Variants in PTPN5 observed in about 807,000 individuals in gnomAD.
The protein encoded by PTPN5 is protein tyrosine phosphatase non-receptor type 5.
In PTPN5, 29 loss-of-function variants were observed where a neutral mutation model predicts 73.9. The observed-to-expected ratio is 0.39, with a 90% CI of 0.29 to 0.54. PTPN5 has a LOEUF of 0.54. Among genes scored for constraint, PTPN5 ranks in the 20% least tolerant of loss-of-function variants. The probability of loss-of-function intolerance (pLI) is 0.65; values close to 1 mark genes in which losing one functional copy is unlikely to be tolerated. For synonymous variants in PTPN5, 267 were observed against 304.7 expected, an observed-to-expected ratio of 0.88 and a Z score of 1.29; for missense variants, 652 against 751.4, an observed-to-expected ratio of 0.87 and a Z score of 1.55.
chr11:18,752,426 C>T (rs1167642267), intron 3 of PTPN5, among the ~76,000 whole-genome samples: 1 of 152,114 alleles, frequency 6.6e-6, no homozygotes, highest in African/African-American at 2.4e-5. Flanking sequence ...GATGAGCCCC[C>T]CAGGAGGACA....
chr11:18,772,081 C>T lies in PTPN5; in HGVS notation c.-113-10G>A, dbSNP rs184637078. The T allele has an allele frequency of 2.0e-5, 14 of 697,996 alleles. No individual in the cohort carries two copies. Among genetic ancestry groups the T allele is most frequent in the African/African-American group, 5.6e-5 (3 of 53,112 alleles). 43.2% of individuals were successfully genotyped at this position (697,996 alleles called of 1,614,324 possible). A position where few individuals can be genotyped will look rare whatever the true frequency, so the allele number is the denominator to read the frequency against. On this transcript the variant is annotated splice_polypyrimidine_tract_variant and intron_variant, in intron 1 of 14. Coordinates refer to ENST00000358540, the MANE Select transcript of PTPN5 (RefSeq NM_006906.2). ...GCTTCAGATCATCCAGCTGGGAAAA[C>T]GGGGCAAAGAGAGATTAAGTGACTA...
intron 2 of PTPN5, among the ~76,000 whole-genome samples, chr11:18,770,538 A>G (rs1850837308): frequency 6.6e-6 from 1 of 152,194 alleles, no homozygotes; most frequent in South Asian, 2.1e-4. Context: ...TTATTTATCT[A>G]TTCATCAGTT....
chr11:18,744,214 C>T lies in PTPN5; in HGVS notation c.98-15G>A, dbSNP rs1367756570. 4.6e-6 allele frequency: 7 copies of T among 1,512,710 alleles called. No homozygotes were observed. Among genetic ancestry groups the T allele is most frequent in the Non-Finnish European group, 6.2e-6 (7 of 1,134,264 alleles). 93.7% of individuals were successfully genotyped at this position (1,512,710 alleles called of 1,614,324 possible). A position where few individuals can be genotyped will look rare whatever the true frequency, so the allele number is the denominator to read the frequency against. ...CTGGGGGAGACCTGTGGAAGATGGG[C>T]CATGCGGGCCGATGACTCCGGCCCT... On this transcript the variant is annotated splice_polypyrimidine_tract_variant and intron_variant, in intron 3 of 14. Coordinates refer to ENST00000358540, the MANE Select transcript of PTPN5 (RefSeq NM_006906.2).
Position 18,742,997 on chromosome 11 carries a change from T to C in PTPN5, c.478A>G (p.Thr160Ala). The change falls in exon 6 of 15, where the codon ACC (threonine) becomes GCC (alanine). Residue 160 changes from threonine (T) to alanine (A), a missense_variant. This residue lies in a region of PTPN5 where 529 missense variants were observed against 573.9 expected (regional missense o/e 0.92). Coordinates refer to ENST00000358540, the MANE Select transcript of PTPN5 (RefSeq NM_006906.2). The surrounding 1 kb of genome is among the most constrained non-coding windows in gnomAD (Gnocchi z 4.1). Reference sequence around the variant, plus strand: ...GGGGTCAGGAGGCGCCTTACCAGGGTGGTAACGAGGACCAGGCCCACGGAC... The same window carrying C: ...GGGGTCAGGAGGCGCCTTACCAGGGCGGTAACGAGGACCAGGCCCACGGAC... ...FLSVGLVLVT[T>A]LVWHLLRTPP... 1 of 1,549,594 alleles carries C rather than the reference T, an allele frequency of 6.5e-7. No homozygotes were observed. Among genetic ancestry groups the C allele is most frequent in the Non-Finnish European group, 8.7e-7 (1 of 1,145,400 alleles).
At position 18,744,049 on chromosome 11, in the gene PTPN5, G is replaced by A; in HGVS notation, c.248C>T (p.Thr83Ile). 2 of 1,609,520 alleles carry A rather than the reference G, an allele frequency of 1.2e-6. No homozygotes were observed. Among genetic ancestry groups the A allele is most frequent in the Non-Finnish European group, 1.7e-6 (2 of 1,177,960 alleles). ...PPRGAGSHSL[T>I]VRSSLCLFAA... Reference sequence around the variant, plus strand: ...GAACAGGCACAGGCTGCTCCTGACAGTGAGGGAGTGGCTCCCAGCGCCTCG... The same window carrying A: ...GAACAGGCACAGGCTGCTCCTGACAATGAGGGAGTGGCTCCCAGCGCCTCG... The change falls in exon 4 of 15, where the codon ACT (threonine) becomes ATT (isoleucine). Residue 83 changes from threonine (T) to isoleucine (I), a missense_variant. Transcript: ENST00000358540.
At chr11:18,732,147 C>T (rs758805215) in intron 12 of PTPN5, among the ~76,000 whole-genome samples, 1 of 152,122 alleles carries the variant, frequency 6.6e-6, no homozygotes, top group Non-Finnish European at 1.5e-5. Flanking sequence ...GAGTGCCTGC[C>T]CTCTTGTGGA....
chr11:18,780,356 G>A (rs1851361560), intron 1 of PTPN5, among the ~76,000 whole-genome samples: 1 of 152,088 alleles, frequency 6.6e-6, no homozygotes, highest in Non-Finnish European at 1.5e-5. Context: ...CATGACATCC[G>A]CCTGCCCCAG....
At chr11:18,746,703 A>T (rs1224235155) in intron 3 of PTPN5, among the ~76,000 whole-genome samples, 1 of 152,232 alleles carries the variant, frequency 6.6e-6, no homozygotes, top group Admixed American at 6.5e-5. Context: ...GGAGTCTAAG[A>T]GGGTCACGAG....
chr11:18,771,820 G>T, intron 2 of PTPN5, 119 bp downstream of exon 2: 1 of 828,678 alleles, frequency 1.2e-6, no homozygotes. Context: ...TCATGGAAAA[G>T]GAATGATCAG....
At chr11:18,779,717 C>T (rs1049375151) in intron 1 of PTPN5, among the ~76,000 whole-genome samples, 2 of 152,164 alleles carry the variant, frequency 1.3e-5, no homozygotes, top group African/African-American at 2.4e-5. Context: ...TCCTCAGTCA[C>T]GGGCTGAATT....
chr11:18,760,331 G>A (rs574359398), intron 3 of PTPN5, among the ~76,000 whole-genome samples: 35 of 152,300 alleles, frequency 2.3e-4, no homozygotes, highest in African/African-American at 7.7e-4. Context: ...TGCAGGATTA[G>A]GGTGACAAAG....
intron 4 of PTPN5, 199 bp downstream of exon 4, chr11:18,743,807 G>A: frequency 3.2e-6 from 2 of 619,882 alleles, no homozygotes; most frequent in Non-Finnish European, 5.3e-6. Flanking sequence ...GGCAGGGTGT[G>A]AGGTCTCAGA....
At chr11:18,767,891 A>G (rs1356275831) in intron 2 of PTPN5, among the ~76,000 whole-genome samples, 1 of 152,190 alleles carries the variant, frequency 6.6e-6, no homozygotes, top group Non-Finnish European at 1.5e-5. Context: ...CACTCCAGCC[A>G]CACTGGGAAG....
intron 1 of PTPN5, among the ~76,000 whole-genome samples, chr11:18,788,322 TTTGA>T (rs1160305476): frequency 2.4e-4 from 37 of 152,220 alleles, no homozygotes; most frequent in African/African-American, 8.7e-4. Flanking sequence ...CATGTTACGG[TTTGA>T]TTATGTTTCT....
chr11:18,740,591 A>G lies in PTPN5; in HGVS notation c.915+12T>C. The stretch of plus-strand genomic sequence containing the variant: ...CTGCACACAGTGGGGCGACCGGCTC[A>G]AGGGAACTCACAAAGAATTCCGCCT... On this transcript the variant is annotated intron_variant, in intron 8 of 14. Transcript: ENST00000358540. 6.4e-7 allele frequency: 1 copy of G among 1,550,436 alleles called. No homozygotes were observed. The highest frequency in any genetic ancestry group is 8.7e-7 in the Non-Finnish European group (1 of 1,147,180).
chr11:18,777,932 G>A (rs751746109), intron 1 of PTPN5, among the ~76,000 whole-genome samples: 13 of 151,584 alleles, frequency 8.6e-5, no homozygotes, highest in Non-Finnish European at 1.5e-4. Context: ...CTTACAGGGC[G>A]AGACCCTGTC....
At chr11:18,773,392 G>A (rs913297573) in intron 1 of PTPN5, among the ~76,000 whole-genome samples, 1 of 152,138 alleles carries the variant, frequency 6.6e-6, no homozygotes, top group African/African-American at 2.4e-5. Context: ...CATGACTGGT[G>A]CCTGGTGTGT....
rs887071935 is a variant in PTPN5 at position 18,728,679 on chromosome 11, C to T, written c.*255G>A. The T allele has an allele frequency of 2.3e-5, 10 of 442,390 alleles. No homozygotes were observed. Among genetic ancestry groups the T allele is most frequent in the Admixed American group, 1.3e-4 (3 of 23,964 alleles). The allele number at this position is 442,390 out of a possible 1,614,324, so 27.4% of individuals were successfully genotyped here. A position where few individuals can be genotyped will look rare whatever the true frequency, so the allele number is the denominator to read the frequency against. On this transcript the variant is annotated 3_prime_UTR_variant, in exon 15 of 15. Transcript: ENST00000358540. The surrounding 1 kb of genome is among the most constrained non-coding windows in gnomAD (Gnocchi z 4.1). ...GTTAAAAACTGGAGCCCGGGGTCTGCGTGGTGTGGGTCAGGCCCCGGGGCC... is the reference window on the plus strand; with the variant it reads ...GTTAAAAACTGGAGCCCGGGGTCTGTGTGGTGTGGGTCAGGCCCCGGGGCC...
At chr11:18,786,062 G>A (rs1348989542) in intron 1 of PTPN5, among the ~76,000 whole-genome samples, 2 of 152,166 alleles carry the variant, frequency 1.3e-5, no homozygotes, top group East Asian at 3.9e-4. Context: ...ATGTGCTGCA[G>A]CACAGTGGGA....
Sources: allele counts gnomAD v4.1 joint callset (sites outside exome capture counted in the v4.1 genomes callset), GRCh38; gene constraint gnomAD v4.1.1; regional missense constraint gnomAD v4.1.1; non-coding constraint Gnocchi (gnomAD v3.1); transcripts MANE v1.5; gene names NCBI Gene and HGNC (gene_info 2026-07-23, HGNC 2026-07-21).